HYAL4: variants seen among roughly 807,000 people sequenced by gnomAD.
HYAL4 encodes hyaluronidase 4.
In HYAL4, 37 loss-of-function variants were observed where a neutral mutation model predicts 35.2. The observed-to-expected ratio is 1.05, with a 90% CI of 0.81 to 1.38. The LOEUF is 1.38. HYAL4 is among the 40% of genes most tolerant of loss of function. HYAL4 has a pLI of 0.00. For synonymous variants in HYAL4, 198 were observed against 203.2 expected, an observed-to-expected ratio of 0.97 and a Z score of 0.22; for missense variants, 572 against 572.4, an observed-to-expected ratio of 1.00 and a Z score of 0.01.
chr7:123,830,500 G>A (rs1429290807), intron 1 of HYAL4, among the ~76,000 whole-genome samples: 1 of 152,094 alleles, frequency 6.6e-6, no homozygotes, highest in Non-Finnish European at 1.5e-5. Context: ...ACTCTTTAGG[G>A]CAGTATTGTT....
At chr7:123,771,758 A>G in the HYAL4 span, among the ~76,000 whole-genome samples, 2 of 149,198 alleles carry the variant, frequency 1.3e-5, no homozygotes, top group East Asian at 3.9e-4. Flanking sequence ...TCTGGATGAG[A>G]TTAGCGTTTG....
At chr7:123,798,699 A>G in the HYAL4 span, among the ~76,000 whole-genome samples, 1 of 152,190 alleles carries the variant, frequency 6.6e-6, no homozygotes, top group Middle Eastern at 3.2e-3. Flanking sequence ...TCTGACTAAT[A>G]GAATGTTTGT....
the HYAL4 span, among the ~76,000 whole-genome samples, chr7:123,822,530 C>T: frequency 7.2e-5 from 11 of 152,200 alleles, no homozygotes; most frequent in East Asian, 2.1e-3. Context: ...TTACTTATGA[C>T]ATTTTTTGTA....
the HYAL4 span, among the ~76,000 whole-genome samples, chr7:123,784,618 C>G: frequency 6.6e-6 from 1 of 152,178 alleles, no homozygotes; most frequent in Non-Finnish European, 1.5e-5. Context: ...GTTAAAAATC[C>G]ACAGTGTTGC....
Position 123,875,364 on chromosome 7 carries a change from G to A in HYAL4, c.1044+514G>A, listed in dbSNP as rs1806983890. Among the ~76,000 whole-genome samples the A allele has an allele frequency of 2.6e-5, 4 of 152,224 alleles. No individual in the cohort carries two copies. The South Asian group carries it at 8.3e-4, about 32-fold the overall frequency. On this transcript the variant is annotated intron_variant, in intron 4 of 4. Transcript: ENST00000223026. The stretch of plus-strand genomic sequence containing the variant: ...CAGAGAAATCAGCTGAAAATTATCA[G>A]CATTTAAAATAAGATTTATGGCGGG...
At chr7:123,808,990 T>G in the HYAL4 span, among the ~76,000 whole-genome samples, 1 of 152,202 alleles carries the variant, frequency 6.6e-6, no homozygotes, top group Non-Finnish European at 1.5e-5. Flanking sequence ...TTTCAACATA[T>G]GAATTTTGAG....
the HYAL4 span, among the ~76,000 whole-genome samples, chr7:123,765,571 T>C: frequency 6.6e-6 from 1 of 152,274 alleles, no homozygotes; most frequent in African/African-American, 2.4e-5. Context: ...TGCTAATGAA[T>C]AGTTTGTATT....
chr7:123,779,215 A>G, the HYAL4 span, among the ~76,000 whole-genome samples: 1 of 152,190 alleles, frequency 6.6e-6, no homozygotes, highest in Admixed American at 6.6e-5. Context: ...GATATAGCCC[A>G]CATAAACCAA....
the HYAL4 span, among the ~76,000 whole-genome samples, chr7:123,799,570 C>G: frequency 6.6e-6 from 1 of 151,572 alleles, no homozygotes; most frequent in Non-Finnish European, 1.5e-5. Flanking sequence ...GTGTGAATCT[C>G]CTGAGGTCAG....
chr7:123,780,528 C>T, the HYAL4 span, among the ~76,000 whole-genome samples: 1 of 152,168 alleles, frequency 6.6e-6, no homozygotes, highest in Non-Finnish European at 1.5e-5. Context: ...GTATAGCTCC[C>T]TTAGAATCAT....
intron 1 of HYAL4, among the ~76,000 whole-genome samples, chr7:123,833,548 C>T (rs2116908195): frequency 6.6e-6 from 1 of 152,226 alleles, no homozygotes; most frequent in South Asian, 2.1e-4. Context: ...ACTCTGCTGA[C>T]TGTTCCTTTT....
upstream of HYAL4, among the ~76,000 whole-genome samples, chr7:123,828,191 T>C (rs1299810632): frequency 6.6e-6 from 1 of 152,258 alleles, no homozygotes; most frequent in East Asian, 1.9e-4. Flanking sequence ...TAGCATTTGG[T>C]GTAAATAATG....
chr7:123,769,131 C>CT, the HYAL4 span, among the ~76,000 whole-genome samples: 2 of 152,022 alleles, frequency 1.3e-5, no homozygotes, highest in Non-Finnish European at 2.9e-5. Context: ...GTTTAGTCTT[C>CT]TTTTTTTTCC....
the HYAL4 span, among the ~76,000 whole-genome samples, chr7:123,794,514 G>A: frequency 6.6e-5 from 10 of 152,158 alleles, no homozygotes; most frequent in Admixed American, 2.0e-4. Flanking sequence ...TGCTCTATGC[G>A]CCTTGAGACA....
the HYAL4 span, among the ~76,000 whole-genome samples, chr7:123,819,971 A>G: frequency 6.6e-6 from 1 of 151,340 alleles, no homozygotes; most frequent in Admixed American, 6.6e-5. Context: ...GCACACTGCA[A>G]CCTCTGCCTC....
rs1219608375 is a variant in HYAL4, at chr7:123,868,937, G to A, written c.664G>A (p.Asp222Asn). Residue 222 changes from aspartate (D) to asparagine (N), a missense_variant, in exon 3 of 5, where the codon GAT (aspartate) becomes AAT (asparagine). Coordinates refer to ENST00000223026, the MANE Select transcript of HYAL4 (RefSeq NM_012269.3). ...KGLWGYYLYP[D>N]CHNYNVYAPN... ...CCTTTGGGGTTATTATTTATATCCT[G>A]ATTGCCACAATTATAACGTTTATGC... is the stretch of plus-strand genomic sequence containing the variant. 1 of 1,613,944 alleles carries A rather than the reference G, an allele frequency of 6.2e-7. No homozygotes were observed. Among genetic ancestry groups the A allele is most frequent in the Non-Finnish European group, 8.5e-7 (1 of 1,180,016 alleles).
chr7:123,868,947 A>T lies in HYAL4; in HGVS notation c.674A>T (p.Asn225Ile). 6.2e-7 allele frequency: 1 copy of T among 1,613,990 alleles called. No individual in the cohort carries two copies. Among genetic ancestry groups the T allele is most frequent in the Non-Finnish European group, 8.5e-7 (1 of 1,180,004 alleles). ...WGYYLYPDCH[N>I]YNVYAPNYSG... ...TATTATTTATATCCTGATTGCCACA[A>T]TTATAACGTTTATGCCCCAAACTAC... Residue 225 changes from asparagine to isoleucine, a missense_variant, in exon 3 of 5, where the codon AAT becomes ATT. Transcript: ENST00000223026.
upstream of HYAL4, chr7:123,845,081 T>A (rs1411247732): frequency 1.3e-5 from 2 of 152,304 alleles, no homozygotes; most frequent in African/African-American, 2.4e-5. Context: ...CAGTTGGAAA[T>A]GCAGAAATCA....
intron 2 of HYAL4, among the ~76,000 whole-genome samples, chr7:123,857,097 C>G (rs1806455552): frequency 6.6e-6 from 1 of 152,192 alleles, no homozygotes. Context: ...GAATTTCAAG[C>G]CAATGGATCT....
Sources: allele counts gnomAD v4.1 joint callset (sites outside exome capture counted in the v4.1 genomes callset), GRCh38; gene constraint gnomAD v4.1.1; transcripts MANE v1.5; gene names NCBI Gene and HGNC (gene_info 2026-07-23, HGNC 2026-07-21).